The following ELL variants were observed in gnomAD, a reference collection of about 807,000 sequenced individuals.
The protein encoded by ELL is RNA polymerase II elongation factor ELL.
ELL carries 18 observed loss-of-function variants against 64.0 expected under a neutral mutation model. The ratio of observed to expected loss-of-function variants is 0.28; its 90% CI spans 0.19 to 0.42. The LOEUF is 0.42. ELL is among the 10% of genes least tolerant of loss of function. The pLI, the probability that ELL is intolerant of heterozygous loss-of-function variation, is 1.00. For missense variants in ELL, 797 were observed against 870.4 expected (o/e 0.92, Z 1.06); for synonymous variants, 399 against 376.2 (o/e 1.06, Z -0.70).
intron 1 of ELL, among the ~76,000 whole-genome samples, chr19:18,480,294 G>A (rs894502879): frequency 2.6e-5 from 4 of 152,260 alleles, no homozygotes; most frequent in African/African-American, 9.6e-5. Flanking sequence ...TGGCAGGACT[G>A]GAGCAGGACA....
At chr19:18,454,271 A>G (rs990090040) in intron 6 of ELL, among the ~76,000 whole-genome samples, 2 of 151,354 alleles carry the variant, frequency 1.3e-5, no homozygotes, top group Non-Finnish European at 3.0e-5. Context: ...AGGCCGAGGC[A>G]GGTGGATCAC....
At chr19:18,457,157 A>G (rs2144905983) in intron 6 of ELL, among the ~76,000 whole-genome samples, 1 of 152,296 alleles carries the variant, frequency 6.6e-6, no homozygotes, top group South Asian at 2.1e-4. Flanking sequence ...CAGCAGACGG[A>G]ACATGAGCCT....
At chr19:18,492,539 A>C (rs1353847030) in intron 1 of ELL, among the ~76,000 whole-genome samples, 1 of 152,194 alleles carries the variant, frequency 6.6e-6, no homozygotes, top group African/African-American at 2.4e-5. Context: ...GCTCACCACT[A>C]ATTATGGCAG....
intron 1 of ELL, among the ~76,000 whole-genome samples, chr19:18,511,200 G>A (rs1249398895): frequency 6.6e-6 from 1 of 151,964 alleles, no homozygotes; most frequent in Non-Finnish European, 1.5e-5. Context: ...CCGGGAGGTA[G>A]AGCTTGCAGT....
At chr19:18,494,610 C>A (rs913811794) in intron 1 of ELL, among the ~76,000 whole-genome samples, 2 of 152,100 alleles carry the variant, frequency 1.3e-5, no homozygotes, top group Non-Finnish European at 2.9e-5. Flanking sequence ...AGGCTGGTCT[C>A]GATAATCTGA....
In ELL at chr19:18,447,785, C is replaced by CT. The variant is rs766852235; in HGVS notation, c.1466-972dup. ...CAATTTCAGATGTATCCTCAATACA[C>CT]TTTTTTTTTTTTTTTAGAGACAGGG... On this transcript the variant is annotated intron_variant, in intron 8 of 11. Transcript: ENST00000262809. 4.8e-3 allele frequency among the ~76,000 whole-genome samples: 698 copies of CT among 144,342 alleles called. 1 individual carries two copies. The highest frequency in any genetic ancestry group is 0.011 in the Middle Eastern group (3 of 270). 94.7% of individuals were successfully genotyped at this position (144,342 alleles called of 152,430 possible).
chr19:18,447,052 G>T (rs1974431915), intron 8 of ELL, among the ~76,000 whole-genome samples: 1 of 152,216 alleles, frequency 6.6e-6, no homozygotes, highest in Non-Finnish European at 1.5e-5. Context: ...GCGTGCACCT[G>T]CGTGTCCAGG....
At chr19:18,515,564 T>C (rs1390211167) in intron 1 of ELL, among the ~76,000 whole-genome samples, 1 of 152,224 alleles carries the variant, frequency 6.6e-6, no homozygotes, top group African/African-American at 2.4e-5. Flanking sequence ...TGCAGTACTG[T>C]GGGTGGCACA....
At chr19:18,457,696 G>C (rs1338494432) in intron 6 of ELL, among the ~76,000 whole-genome samples, 1 of 152,222 alleles carries the variant, frequency 6.6e-6, no homozygotes, top group Non-Finnish European at 1.5e-5. Context: ...GCTCCCCTGA[G>C]CTGCTGCCAC....
intron 5 of ELL, 32 bp downstream of exon 5, chr19:18,461,546 T>C (rs756918389): frequency 6.4e-7 from 1 of 1,569,044 alleles, no homozygotes; most frequent in Admixed American, 1.7e-5. Flanking sequence ...CGGAGACCAC[T>C]GGTAAAGACA....
chr19:18,480,886 A>T (rs1214439638), intron 1 of ELL, among the ~76,000 whole-genome samples: 1 of 152,130 alleles, frequency 6.6e-6, no homozygotes, highest in Non-Finnish European at 1.5e-5. Flanking sequence ...CGACAGACTC[A>T]GCCTCCCAAA....
At chr19:18,460,459 C>T (rs955488711) in intron 5 of ELL, among the ~76,000 whole-genome samples, 1 of 152,238 alleles carries the variant, frequency 6.6e-6, no homozygotes, top group Non-Finnish European at 1.5e-5. Flanking sequence ...AGCACAGACA[C>T]CTCCTGGCCA....
At chr19:18,459,620 C>T (rs1353345063) in intron 5 of ELL, among the ~76,000 whole-genome samples, 1 of 150,848 alleles carries the variant, frequency 6.6e-6, no homozygotes, top group African/African-American at 2.4e-5. Flanking sequence ...CCCGGGTTCA[C>T]GCCATTCTCC....
Position 18,450,975 on chromosome 19 carries a change from T to C in ELL, c.967A>G (p.Lys323Glu). 6.6e-7 allele frequency: 1 copy of C among 1,520,748 alleles called. No homozygotes were observed. Among genetic ancestry groups the C allele is most frequent in the Non-Finnish European group, 8.8e-7 (1 of 1,134,352 alleles). 94.2% of individuals were successfully genotyped at this position (1,520,748 alleles called of 1,614,324 possible). A position where few individuals can be genotyped will look rare whatever the true frequency, so the allele number is the denominator to read the frequency against. ...ATGAAATCAGGAGGCTGCAGCCGCTTCTGGAGAGGAGCAGAGATCATTTTA... is the reference window on the plus strand; with the variant it reads ...ATGAAATCAGGAGGCTGCAGCCGCTCCTGGAGAGGAGCAGAGATCATTTTA... Reference protein sequence around the residue: ...ERGRSASPPQKRLQPPDFIDP... With the variant: ...ERGRSASPPQERLQPPDFIDP... The change falls in exon 8 of 12, where the codon AAG (lysine) becomes GAG (glutamate). Residue 323 changes from lysine to glutamate, a missense_variant and splice_region_variant. Transcript: ENST00000262809.
chr19:18,462,677 C>G (rs1295066217), intron 4 of ELL, among the ~76,000 whole-genome samples: 1 of 152,116 alleles, frequency 6.6e-6, no homozygotes, highest in African/African-American at 2.4e-5. Context: ...CCATCCTGCC[C>G]AACCTGAGGC....
intron 1 of ELL, among the ~76,000 whole-genome samples, chr19:18,490,740 C>T (rs1301685928): frequency 6.6e-6 from 1 of 152,160 alleles, no homozygotes; most frequent in Non-Finnish European, 1.5e-5. Flanking sequence ...ACAGCGCTGC[C>T]CCGTGCCACA....
intron 2 of ELL, chr19:18,470,872 C>G (rs1975049931): frequency 2.2e-6 from 1 of 445,954 alleles, no homozygotes; most frequent in African/African-American, 2.0e-5. Flanking sequence ...GACTCCCCAG[C>G]CCACAGTCGT....
intron 4 of ELL, among the ~76,000 whole-genome samples, chr19:18,464,995 T>TG (rs1165084692): frequency 5.9e-5 from 9 of 152,026 alleles, no homozygotes; most frequent in Non-Finnish European, 1.3e-4. Flanking sequence ...CAGGTGAGGG[T>TG]GGGGGCAGCC....
At chr19:18,516,201 C>T (rs932895418) in intron 1 of ELL, among the ~76,000 whole-genome samples, 6 of 152,076 alleles carry the variant, frequency 3.9e-5, no homozygotes, top group East Asian at 1.9e-4. Flanking sequence ...ACACAGCCCA[C>T]CCACTTAGCA....
Sources: allele counts gnomAD v4.1 joint callset (sites outside exome capture counted in the v4.1 genomes callset), GRCh38; gene constraint gnomAD v4.1.1; transcripts MANE v1.5; gene names NCBI Gene and HGNC (gene_info 2026-07-23, HGNC 2026-07-21).